GLT1D1: variants seen among roughly 807,000 people sequenced by gnomAD.
GLT1D1 encodes glycosyltransferase 1 domain-containing protein 1.
Under a neutral mutation model 28.7 loss-of-function variants are expected in GLT1D1, and 21 were observed. The ratio of observed to expected loss-of-function variants is 0.73; its 90% confidence interval spans 0.52 to 1.05. The LOEUF (loss-of-function observed/expected upper bound fraction) is 1.05, where lower values mean the gene tolerates loss of function less well. Among genes scored for constraint, GLT1D1 ranks in the 50% least tolerant of loss-of-function variants. The probability of loss-of-function intolerance (pLI) is 0.00; values close to 1 mark genes in which losing one functional copy is unlikely to be tolerated. For missense variants in GLT1D1, 343 were observed against 330.6 expected (o/e 1.04, Z -0.29); for synonymous variants, 147 against 124.8 (o/e 1.18, Z -1.19).
At chr12:128,929,466 C>G (rs1404297997) in intron 4 of GLT1D1, among the ~76,000 whole-genome samples, 1 of 152,182 alleles carries the variant, frequency 6.6e-6, no homozygotes, top group Non-Finnish European at 1.5e-5. Context: ...CCTAAAGCAG[C>G]AGTGTCCCTG....
intron 2 of GLT1D1, among the ~76,000 whole-genome samples, chr12:128,886,697 G>A (rs1274839589): frequency 6.6e-6 from 1 of 151,790 alleles, no homozygotes; most frequent in African/African-American, 2.4e-5. Flanking sequence ...GACCCCTGTG[G>A]TTATGTTGAG....
At chr12:128,918,679 A>C (rs1488467870) in intron 4 of GLT1D1, among the ~76,000 whole-genome samples, 1 of 152,180 alleles carries the variant, frequency 6.6e-6, no homozygotes, top group Non-Finnish European at 1.5e-5. Context: ...CTGCTTTGTC[A>C]TGTCAGTTAC....
chr12:128,857,355 C>T (rs1956247360), intron 1 of GLT1D1, among the ~76,000 whole-genome samples: 1 of 152,142 alleles, frequency 6.6e-6, no homozygotes, highest in African/African-American at 2.4e-5. Context: ...TTAGTCACTT[C>T]GTTCTTTCTT....
At chr12:128,916,342 G>A (rs141564383) in intron 4 of GLT1D1, among the ~76,000 whole-genome samples, 43 of 152,170 alleles carry the variant, frequency 2.8e-4, no homozygotes, top group African/African-American at 1.0e-3. Flanking sequence ...CTTGTGCAAG[G>A]TTTTTTGGTG....
chr12:128,893,816 C>T, intron 3 of GLT1D1, among the ~76,000 whole-genome samples: 1 of 152,058 alleles, frequency 6.6e-6, no homozygotes, highest in East Asian at 1.9e-4. Flanking sequence ...GAACTCCTGA[C>T]CACAGTGATC....
intron 1 of GLT1D1, among the ~76,000 whole-genome samples, chr12:128,869,040 T>C (rs1038652248): frequency 2.6e-5 from 4 of 152,192 alleles, no homozygotes; most frequent in African/African-American, 9.7e-5. Context: ...CAGCTAATTT[T>C]ATATTTTTAG....
chr12:128,913,941 C>T (rs535259154), intron 4 of GLT1D1, among the ~76,000 whole-genome samples: 10 of 152,298 alleles, frequency 6.6e-5, no homozygotes, highest in African/African-American at 2.4e-4. Context: ...AAAGCGCCTA[C>T]ATGCAGTCGG....
intron 4 of GLT1D1, chr12:128,944,802 A>ATATG (rs1555217185): frequency 7.1e-5 from 15 of 211,510 alleles, no homozygotes; most frequent in Admixed American, 1.2e-4. Flanking sequence ...ATTTATATAT[A>ATATG]TATGTATATA....
rs115383356 is a variant in GLT1D1, at chr12:128,932,891, C to T, written c.376-12435C>T. Among the ~76,000 whole-genome samples the T allele has an allele frequency of 4.6e-3, 694 of 152,306 alleles. 3 individuals carry two copies. Among genetic ancestry groups the T allele is most frequent in the African/African-American group, 0.016 (654 of 41,564 alleles). On this transcript the variant is annotated intron_variant, in intron 4 of 7. Transcript: ENST00000281703. The stretch of plus-strand genomic sequence containing the variant: ...AATAGCCACCGCCACAAAACCTTGA[C>T]GCCATCTCAGTGGATGAAATAATTT...
intron 6 of GLT1D1, among the ~76,000 whole-genome samples, chr12:128,953,559 T>G (rs1876944233): frequency 6.6e-6 from 1 of 152,170 alleles, no homozygotes; most frequent in East Asian, 1.9e-4. Context: ...TAAGAAGGCT[T>G]TGCCTAACCC....
At chr12:128,925,451 C>T (rs1873110388) in intron 4 of GLT1D1, among the ~76,000 whole-genome samples, 2 of 152,218 alleles carry the variant, frequency 1.3e-5, no homozygotes, top group Admixed American at 6.5e-5. Flanking sequence ...TTTTCTCTGC[C>T]TGCATTAGTT....
intron 7 of GLT1D1, among the ~76,000 whole-genome samples, chr12:128,962,269 C>A (rs1182944764): frequency 6.6e-6 from 1 of 152,240 alleles, no homozygotes; most frequent in African/African-American, 2.4e-5. Flanking sequence ...CAACTGTTCT[C>A]CTAGCTGCCT....
At chr12:128,888,578 A>C in intron 2 of GLT1D1, 61 bp from the exon 3 acceptor site, 3 of 1,054,382 alleles carry the variant, frequency 2.8e-6, no homozygotes, top group Non-Finnish European at 4.3e-6. Context: ...TTGCTTGGGA[A>C]TGGTTGGTGA....
intron 4 of GLT1D1, among the ~76,000 whole-genome samples, chr12:128,902,728 C>T (rs1870419394): frequency 6.6e-6 from 1 of 151,514 alleles, no homozygotes; most frequent in Non-Finnish European, 1.5e-5. Context: ...GGGAACCCAA[C>T]TGTGTTGGTT....
At chr12:128,938,669 A>G (rs752321371) in intron 4 of GLT1D1, among the ~76,000 whole-genome samples, 7 of 152,224 alleles carry the variant, frequency 4.6e-5, no homozygotes, top group Non-Finnish European at 1.0e-4. Flanking sequence ...CATAATGCCT[A>G]CTGGTAAAGT....
At chr12:128,900,275 G>T (rs2135855092) in intron 4 of GLT1D1, among the ~76,000 whole-genome samples, 1 of 152,358 alleles carries the variant, frequency 6.6e-6, no homozygotes, top group African/African-American at 2.4e-5. Flanking sequence ...CTGATCATTT[G>T]CAGGCGTTAT....
At chr12:128,886,607 T>C (rs1868414380) in intron 2 of GLT1D1, among the ~76,000 whole-genome samples, 1 of 144,562 alleles carries the variant, frequency 6.9e-6, no homozygotes, top group Admixed American at 7.2e-5. Context: ...TGGCCCTTCC[T>C]CCATGTCCAG....
chr12:128,983,169 G>A lies in GLT1D1; in HGVS notation c.*79G>A. The A allele has an allele frequency of 1.5e-6, 2 of 1,336,826 alleles. No individual in the cohort carries two copies. The highest frequency in any genetic ancestry group is 2.1e-6 in the Non-Finnish European group (2 of 946,630). 82.8% of individuals were successfully genotyped at this position (1,336,826 alleles called of 1,614,324 possible). A position where few individuals can be genotyped will look rare whatever the true frequency, so the allele number is the denominator to read the frequency against. The stretch of plus-strand genomic sequence containing the variant: ...TCAGAGACAGAGTTCTGGATCACGT[G>A]GGCCCAGTGCAGTTCAAATAAAACC... On this transcript the variant is annotated 3_prime_UTR_variant, in exon 8 of 8. Transcript: ENST00000281703. The surrounding 1 kb of genome is among the most constrained non-coding windows in gnomAD (Gnocchi z 4.7).
intron 7 of GLT1D1, among the ~76,000 whole-genome samples, chr12:128,970,641 G>A (rs944547798): frequency 3.9e-5 from 6 of 152,224 alleles, no homozygotes; most frequent in Admixed American, 2.6e-4. Context: ...TTCTCTGTCC[G>A]GCACCTGAGC....
Sources: gnomAD v4.1 joint callset for allele counts (sites outside exome capture counted in the v4.1 genomes callset) on GRCh38, gnomAD v4.1.1 for gene constraint, Gnocchi (gnomAD v3.1) non-coding constraint, MANE v1.5 for transcripts, NCBI Gene and HGNC (gene_info 2026-07-23, HGNC 2026-07-21) for gene names.